The following DSCAML1 variants were observed in gnomAD, a reference collection of about 807,000 sequenced individuals.
DSCAML1 encodes cell adhesion molecule DSCAML1.
In DSCAML1, 38 loss-of-function variants were observed where a neutral mutation model predicts 200.5. The observed-to-expected ratio is 0.19, with a 90% CI of 0.15 to 0.25. The LOEUF (loss-of-function observed/expected upper bound fraction) is 0.25. Among genes scored for constraint, DSCAML1 ranks in the 10% least tolerant of loss-of-function variants. DSCAML1 has a pLI of 1.00. For synonymous variants in DSCAML1, 1,215 were observed against 1,165.0 expected, an observed-to-expected ratio of 1.04 and a Z score of -0.87; for missense variants, 2,223 against 2,858.8, an observed-to-expected ratio of 0.78 and a Z score of 5.07.
chr11:117,514,094 G>T (rs532032350), intron 8 of DSCAML1, among the ~76,000 whole-genome samples: 1 of 152,326 alleles, frequency 6.6e-6, no homozygotes, highest in African/African-American at 2.4e-5. Flanking sequence ...GTTGCTTCCA[G>T]TCTTGGGCAA....
intron 3 of DSCAML1, among the ~76,000 whole-genome samples, chr11:117,566,259 C>T (rs1033811936): frequency 1.3e-5 from 2 of 152,108 alleles, no homozygotes; most frequent in African/African-American, 4.8e-5. Flanking sequence ...ATTGTACAGA[C>T]AAAACAGAAG....
intron 21 of DSCAML1, among the ~76,000 whole-genome samples, chr11:117,440,202 C>T (rs983151806): frequency 3.9e-5 from 6 of 152,150 alleles, no homozygotes; most frequent in South Asian, 2.1e-4. Flanking sequence ...CCTGTCCTCA[C>T]GTTGATCACC....
chr11:117,652,670 G>A (rs1189987962), intron 3 of DSCAML1, among the ~76,000 whole-genome samples: 2 of 152,170 alleles, frequency 1.3e-5, no homozygotes, highest in Non-Finnish European at 2.9e-5. Flanking sequence ...TCTTGCCTGG[G>A]CCCCCGAAGC....
intron 3 of DSCAML1, among the ~76,000 whole-genome samples, chr11:117,554,542 A>G (rs1405917982): frequency 6.6e-6 from 1 of 151,954 alleles, no homozygotes. Flanking sequence ...ACACCTGGCT[A>G]ATTTTTGTAT....
intron 3 of DSCAML1, among the ~76,000 whole-genome samples, chr11:117,622,616 G>A (rs2051955918): frequency 6.6e-6 from 1 of 152,148 alleles, no homozygotes; most frequent in African/African-American, 2.4e-5. Flanking sequence ...GGGGGCTGTT[G>A]TTTCTAGTTT....
At chr11:117,591,153 C>CATTTATTT (rs202217314) in intron 3 of DSCAML1, among the ~76,000 whole-genome samples, 1 of 151,960 alleles carries the variant, frequency 6.6e-6, no homozygotes, top group Non-Finnish European at 1.5e-5. Context: ...TTTAAAAATT[C>CATTTATTT]ATTTATGTAT....
chr11:117,438,731 C>T (rs1016242812), intron 24 of DSCAML1, among the ~76,000 whole-genome samples, 154 bp downstream of exon 24: 2 of 152,194 alleles, frequency 1.3e-5, no homozygotes, highest in African/African-American at 4.8e-5. Context: ...CATTGCAGTT[C>T]CCTTGGCACT....
At chr11:117,757,571 T>TACACAC (rs1491093522) in intron 3 of DSCAML1, among the ~76,000 whole-genome samples, 5 of 83,610 alleles carry the variant, frequency 6.0e-5, no homozygotes, top group Non-Finnish European at 4.5e-5. Context: ...ATTAGGAGCC[T>TACACAC]ATACACACAC....
At chr11:117,580,710 TTC>T (rs2051023823) in intron 3 of DSCAML1, among the ~76,000 whole-genome samples, 1 of 152,224 alleles carries the variant, frequency 6.6e-6, no homozygotes, top group Non-Finnish European at 1.5e-5. Flanking sequence ...TGGAGCCTTC[TTC>T]TTTCCTGCTT....
chr11:117,791,835 A>G (rs2055472533), intron 1 of DSCAML1, among the ~76,000 whole-genome samples: 1 of 152,248 alleles, frequency 6.6e-6, no homozygotes, highest in South Asian at 2.1e-4. Context: ...AGGAAGGTAG[A>G]GGCAATGCAG....
chr11:117,732,709 C>T (rs973757464), intron 3 of DSCAML1, among the ~76,000 whole-genome samples: 5 of 152,222 alleles, frequency 3.3e-5, no homozygotes, highest in African/African-American at 1.2e-4. Flanking sequence ...GCTCTTACCT[C>T]TCTCCTTCCG....
intron 3 of DSCAML1, among the ~76,000 whole-genome samples, chr11:117,578,641 G>C (rs543112442): frequency 1.5e-4 from 23 of 152,130 alleles, no homozygotes; most frequent in Non-Finnish European, 2.6e-4. Flanking sequence ...CTGCACTCCT[G>C]TCTGGGAAAC....
intron 27 of DSCAML1, 23 bp from the exon 28 acceptor site, chr11:117,433,494 GAGGGCTGGGT>G (rs1310727336): frequency 6.2e-7 from 1 of 1,611,396 alleles, no homozygotes; most frequent in Admixed American, 1.7e-5. Flanking sequence ...AGAGGGAGAG[GAGGGCTGGGT>G]GAGAATGAAG....
intron 3 of DSCAML1, among the ~76,000 whole-genome samples, chr11:117,625,545 A>G (rs1232093151): frequency 6.6e-6 from 1 of 152,180 alleles, no homozygotes; most frequent in Non-Finnish European, 1.5e-5. Context: ...GTGACCCAAC[A>G]TGGTCAAGGC....
intron 19 of DSCAML1, among the ~76,000 whole-genome samples, chr11:117,458,356 G>A (rs1236838441): frequency 6.6e-6 from 1 of 152,198 alleles, no homozygotes; most frequent in Admixed American, 6.5e-5. Flanking sequence ...TGACCACAAA[G>A]TCCCTAACCC....
At chr11:117,598,223 T>C (rs2051399958) in intron 3 of DSCAML1, among the ~76,000 whole-genome samples, 1 of 152,236 alleles carries the variant, frequency 6.6e-6, no homozygotes, top group South Asian at 2.1e-4. Flanking sequence ...CCTTGGTCAT[T>C]TCCTGAAATT....
In DSCAML1 at chr11:117,518,367, G is replaced by A. The variant is rs1490723741; in HGVS notation, c.1510+99C>T. ...AGACCTCTACTAAAATCAAAATGACGATTAATAATAAGTACTAATCAGCAC... is the reference window on the plus strand; with the variant it reads ...AGACCTCTACTAAAATCAAAATGACAATTAATAATAAGTACTAATCAGCAC... On this transcript the variant is annotated intron_variant, in intron 7 of 32. Transcript: ENST00000651296. This position sits in a 1 kb window ranked among gnomAD's most constrained non-coding sequence, Gnocchi z 6.3. 19 of 1,512,032 alleles carry A rather than the reference G, an allele frequency of 1.3e-5. No individual in the cohort carries two copies. The East Asian group carries it at 2.5e-4, about 20-fold the overall frequency. The allele number at this position is 1,512,032 out of a possible 1,614,324, so 93.7% of individuals were successfully genotyped here. A position where few individuals can be genotyped will look rare whatever the true frequency, so the allele number is the denominator to read the frequency against.
intron 3 of DSCAML1, among the ~76,000 whole-genome samples, chr11:117,663,218 C>T (rs2052898396): frequency 6.6e-6 from 1 of 152,222 alleles, no homozygotes; most frequent in Admixed American, 6.5e-5. Flanking sequence ...CCCTGACAGC[C>T]TGCCCACCTC....
intron 20 of DSCAML1, among the ~76,000 whole-genome samples, chr11:117,448,635 G>GA (rs2048226065): frequency 8.4e-6 from 1 of 119,336 alleles, no homozygotes. Context: ...GTGTGTGTGT[G>GA]TGTGGGGGGT....
Sources: allele counts gnomAD v4.1 joint callset (sites outside exome capture counted in the v4.1 genomes callset), GRCh38; gene constraint gnomAD v4.1.1; non-coding constraint Gnocchi (gnomAD v3.1); transcripts MANE v1.5; gene names NCBI Gene and HGNC (gene_info 2026-07-23, HGNC 2026-07-21).